Variants in C1QTNF2 observed in about 807,000 individuals in gnomAD.
C1QTNF2 encodes the protein C1q and TNF related 2.
C1QTNF2 carries 15 observed loss-of-function variants against 17.4 expected under a neutral mutation model. The observed-to-expected ratio is 0.86, with a 90% CI of 0.58 to 1.33. The LOEUF (loss-of-function observed/expected upper bound fraction) is 1.33, where lower values mean the gene tolerates loss of function less well. C1QTNF2 is among the 40% of genes most tolerant of loss of function. The pLI, the probability that C1QTNF2 is intolerant of heterozygous loss-of-function variation, is 0.00. For missense variants in C1QTNF2, 381 were observed against 392.3 expected (o/e 0.97, Z 0.24); for synonymous variants, 154 against 163.3 (o/e 0.94, Z 0.44).
chr5:160,362,359 C>A (rs1263570960), intron 1 of C1QTNF2, among the ~76,000 whole-genome samples: 2 of 152,142 alleles, frequency 1.3e-5, no homozygotes, highest in African/African-American at 4.8e-5. Context: ...CACCACAGTT[C>A]CGGGAAATCT....
rs372385793 is a variant in C1QTNF2, at chr5:160,354,753, G to A, written c.244+15C>T. On this transcript the variant is annotated intron_variant, in intron 2 of 2. Coordinates refer to ENST00000652664, the MANE Select transcript of C1QTNF2 (RefSeq NM_031908.6). The stretch of plus-strand genomic sequence containing the variant: ...AGCCAGGTGGGAACGAGAGTGGCAC[G>A]TATAGGCCTCTTACCTTCCTCTCCG... 2.7e-5 allele frequency: 44 copies of A among 1,613,466 alleles called. No homozygotes were observed. Among genetic ancestry groups the A allele is most frequent in the South Asian group, 1.2e-4 (11 of 91,054 alleles).
intron 2 of C1QTNF2, among the ~76,000 whole-genome samples, chr5:160,351,653 A>G (rs1180293751): frequency 1.3e-5 from 2 of 152,176 alleles, no homozygotes; most frequent in Admixed American, 1.3e-4. Context: ...TACATACCTA[A>G]CCAATTAATA....
intron 2 of C1QTNF2, among the ~76,000 whole-genome samples, chr5:160,352,434 CT>C (rs1561821881): frequency 6.6e-6 from 1 of 152,128 alleles, no homozygotes. Flanking sequence ...GGGTGACAAG[CT>C]TTGTTTGAGT....
chr5:160,353,170 C>T (rs971472921), intron 2 of C1QTNF2, among the ~76,000 whole-genome samples: 27 of 152,002 alleles, frequency 1.8e-4, no homozygotes, highest in South Asian at 4.1e-4. Flanking sequence ...AGAATCCCTC[C>T]GGCACACGAT....
At chr5:160,358,173 C>A (rs536621833) in intron 1 of C1QTNF2, among the ~76,000 whole-genome samples, 38 of 152,328 alleles carry the variant, frequency 2.5e-4, no homozygotes, top group Middle Eastern at 3.4e-3. Flanking sequence ...CTCCTGGAGT[C>A]CCAGAGGAGT....
At chr5:160,354,710 C>T (rs574331704) in intron 2 of C1QTNF2, 58 bp downstream of exon 2, 3 of 1,604,268 alleles carry the variant, frequency 1.9e-6, no homozygotes, top group Admixed American at 1.7e-5. Context: ...TGATGCCCCC[C>T]ACATGCCGGA....
Position 160,354,909 on chromosome 5 carries a change from C to G in C1QTNF2, c.103G>C (p.Val35Leu), listed in dbSNP as rs1338534611. Residue 35 changes from valine (V) to leucine (L), a missense_variant, in exon 2 of 3, where the codon GTC becomes CTC. Coordinates refer to ENST00000652664, the MANE Select transcript of C1QTNF2 (RefSeq NM_031908.6). The part of the protein sequence containing the change: ...RDFRKGSPQL[V>L]CSLPGPQGPP... ...CCCTGGGGGCCAGGCAGGCTGCAGA[C>G]CAGTTGAGGGGAGCCTTTCCGGAAG... is the stretch of plus-strand genomic sequence containing the variant. 6.2e-7 allele frequency: 1 copy of G among 1,602,074 alleles called. No individual in the cohort carries two copies. The highest frequency in any genetic ancestry group is 1.3e-5 in the African/African-American group (1 of 74,884).
At chr5:160,364,508 A>G (rs1561827983) in intron 1 of C1QTNF2, among the ~76,000 whole-genome samples, 2 of 152,350 alleles carry the variant, frequency 1.3e-5, no homozygotes, top group Non-Finnish European at 2.9e-5. Flanking sequence ...CAAACAAGAT[A>G]ATGGATGTTG....
Position 160,354,947 on chromosome 5 carries a change from A to C in C1QTNF2, c.65T>G (p.Phe22Cys), listed in dbSNP as rs751360245. 2 of 1,595,704 alleles carry C rather than the reference A, an allele frequency of 1.3e-6. No homozygotes were observed. Among genetic ancestry groups the C allele is most frequent in the East Asian group, 4.5e-5 (2 of 44,248 alleles). Residue 22 changes from phenylalanine to cysteine, a missense_variant, in exon 2 of 3, where the codon TTT (phenylalanine) becomes TGT (cysteine). Physicochemically the swap from Phe to Cys is radical, Grantham distance 205. Coordinates refer to ENST00000652664, the MANE Select transcript of C1QTNF2 (RefSeq NM_031908.6). ...GCCTTTCCGGAAGTCCCTGCGAGCAAAGGCGCCAAGCAGTGGGTCAGCAGC... is the reference window on the plus strand; with the variant it reads ...GCCTTTCCGGAAGTCCCTGCGAGCACAGGCGCCAAGCAGTGGGTCAGCAGC... Reference protein sequence around the residue: ...PCAADPLLGAFARRDFRKGSP... With the variant: ...PCAADPLLGACARRDFRKGSP...
intron 1 of C1QTNF2, among the ~76,000 whole-genome samples, chr5:160,360,350 CA>C (rs1194427871): frequency 1.3e-5 from 2 of 152,336 alleles, no homozygotes; most frequent in African/African-American, 4.8e-5. Flanking sequence ...ACTCTGCCCT[CA>C]AGAAAATCCA....
intron 1 of C1QTNF2, among the ~76,000 whole-genome samples, chr5:160,364,127 T>A (rs910810234): frequency 6.6e-6 from 1 of 152,258 alleles, no homozygotes; most frequent in Non-Finnish European, 1.5e-5. Context: ...CCATAAAAAT[T>A]ATTAATGAGA....
At chr5:160,360,381 C>T (rs1764131423) in intron 1 of C1QTNF2, among the ~76,000 whole-genome samples, 1 of 152,008 alleles carries the variant, frequency 6.6e-6, no homozygotes, top group African/African-American at 2.4e-5. Context: ...GAAAACCAGA[C>T]AGTGGCTGAA....
intron 1 of C1QTNF2, among the ~76,000 whole-genome samples, chr5:160,363,975 G>T (rs1764201237): frequency 6.6e-6 from 1 of 152,184 alleles, no homozygotes; most frequent in Admixed American, 6.5e-5. Context: ...GAGCAGCTCA[G>T]CCCAATAGGA....
intron 1 of C1QTNF2, among the ~76,000 whole-genome samples, chr5:160,358,185 T>C (rs1764086945): frequency 6.6e-6 from 1 of 152,204 alleles, no homozygotes; most frequent in Non-Finnish European, 1.5e-5. Context: ...CAGAGGAGTC[T>C]TGGGAGCTAG....
Position 160,357,284 on chromosome 5 carries a change from A to G in C1QTNF2, c.-9-2264T>C, listed in dbSNP as rs531815623. Reference sequence around the variant, plus strand: ...GGGTTGCCTGGGAGTGGAGACTTCAACCAGGGGGAGGAGGAGCTCCCCTCA... The same window carrying G: ...GGGTTGCCTGGGAGTGGAGACTTCAGCCAGGGGGAGGAGGAGCTCCCCTCA... On this transcript the variant is annotated intron_variant, in intron 1 of 2. Transcript: ENST00000652664. Among the ~76,000 whole-genome samples, 7 of 152,334 alleles carry G rather than the reference A, an allele frequency of 4.6e-5. No individual in the cohort carries two copies. In the East Asian group the frequency reaches 1.2e-3, roughly 25 times the overall value.
chr5:160,363,504 T>A (rs1481416484), intron 1 of C1QTNF2, among the ~76,000 whole-genome samples: 3 of 152,322 alleles, frequency 2.0e-5, no homozygotes, highest in East Asian at 3.9e-4. Context: ...CAAGGACACA[T>A]CATGATCTAA....
intron 1 of C1QTNF2, among the ~76,000 whole-genome samples, chr5:160,360,436 T>A (rs1303639326): frequency 1.3e-5 from 2 of 152,216 alleles, no homozygotes; most frequent in Non-Finnish European, 2.9e-5. Flanking sequence ...AAATCTGTTC[T>A]TTTTTCCTCT....
Position 160,349,701 on chromosome 5 carries a change from C to A in C1QTNF2, c.325G>T (p.Gly109Cys). The change falls in exon 3 of 3, where the codon GGC (glycine) becomes TGC (cysteine). Residue 109 changes from glycine (G) to cysteine (C), a missense_variant. By Grantham distance (159) the Gly-to-Cys change is radical (BLOSUM62 -3). Transcript: ENST00000652664. The surrounding 1 kb of genome is among the most constrained non-coding windows in gnomAD (Gnocchi z 4.3). The part of the protein sequence containing the change: ...AGAIGRAGPR[G>C]PKGVNGTPGK... Reference sequence around the variant, plus strand: ...GGGGTACCGTTGACCCCCTTGGGGCCACGGGGGCCAGCCCGCCCAATGGCC... The same window carrying A: ...GGGGTACCGTTGACCCCCTTGGGGCAACGGGGGCCAGCCCGCCCAATGGCC... 1 of 1,596,028 alleles carries A rather than the reference C, an allele frequency of 6.3e-7. No individual in the cohort carries two copies. Among genetic ancestry groups the A allele is most frequent in the South Asian group, 1.1e-5 (1 of 88,860 alleles).
At chr5:160,354,594 AAAAGTATATATATATAT>A (rs1445708771) in intron 2 of C1QTNF2, among the ~76,000 whole-genome samples, 157 bp downstream of exon 2, 4 of 43,386 alleles carry the variant, frequency 9.2e-5, no homozygotes, top group Admixed American at 5.2e-4. Flanking sequence ...GAAAAAAAAA[AAAAGTATATATATATAT>A]ATATATATAT....
Sources: allele counts gnomAD v4.1 joint callset (sites outside exome capture counted in the v4.1 genomes callset), GRCh38; gene constraint gnomAD v4.1.1; non-coding constraint Gnocchi (gnomAD v3.1); transcripts MANE v1.5; gene names NCBI Gene and HGNC (gene_info 2026-07-23, HGNC 2026-07-21).